The following PPARD variants were observed in gnomAD, a reference collection of about 807,000 sequenced individuals.
PPARD encodes peroxisome proliferator activated receptor delta.
A neutral mutation model predicts 39.5 loss-of-function variants in PPARD; 6 were observed. The observed-to-expected ratio is 0.15, with a 90% CI of 0.08 to 0.30. PPARD has a LOEUF of 0.30. Ranked by LOEUF, PPARD falls within the 10% of genes least tolerant of loss-of-function variation. PPARD has a pLI of 1.00. For missense variants in PPARD, 397 were observed against 596.8 expected, an observed-to-expected ratio of 0.67 and a Z score of 3.49; for synonymous variants, 210 against 231.3, an observed-to-expected ratio of 0.91 and a Z score of 0.83.
chr6:35,400,462 TAGCC>T (rs1464463112), intron 2 of PPARD, among the ~76,000 whole-genome samples: 2 of 152,208 alleles, frequency 1.3e-5, no homozygotes, highest in African/African-American at 4.8e-5. Flanking sequence ...CCAACTGAGC[TAGCC>T]AGGTGCCCTT....
chr6:35,378,806 A>G (rs1439538234), intron 2 of PPARD, among the ~76,000 whole-genome samples: 1 of 152,178 alleles, frequency 6.6e-6, no homozygotes, highest in Non-Finnish European at 1.5e-5. Flanking sequence ...CGACTTAACA[A>G]CTAAAAAGGG....
At chr6:35,411,299 A>G in intron 3 of PPARD, 82 bp downstream of exon 3, 1 of 1,343,784 alleles carries the variant, frequency 7.4e-7, no homozygotes, top group Non-Finnish European at 9.7e-7. Flanking sequence ...TGCAAACGCC[A>G]TCATGTGGGG....
chr6:35,415,184 G>T (rs923180038), intron 3 of PPARD, among the ~76,000 whole-genome samples: 27 of 152,318 alleles, frequency 1.8e-4, no homozygotes, highest in African/African-American at 6.5e-4. Flanking sequence ...GCCCAGGGCT[G>T]GCCATACAGT....
At chr6:35,362,828 C>T (rs956962371) in intron 2 of PPARD, among the ~76,000 whole-genome samples, 1 of 152,192 alleles carries the variant, frequency 6.6e-6, no homozygotes, top group Non-Finnish European at 1.5e-5. Flanking sequence ...GGCACCTGCT[C>T]CTCCACCCTG....
intron 2 of PPARD, among the ~76,000 whole-genome samples, chr6:35,362,163 G>A (rs997376601): frequency 1.3e-4 from 19 of 151,816 alleles, no homozygotes; most frequent in Admixed American, 1.1e-3. Context: ...TCTGTCTTTC[G>A]AAATGGGATG....
chr6:35,413,836 A>G (rs559641418), intron 3 of PPARD, among the ~76,000 whole-genome samples: 1 of 152,052 alleles, frequency 6.6e-6, no homozygotes, highest in South Asian at 2.1e-4. Flanking sequence ...GGCGTGCACC[A>G]CCGTGCCTGG....
At position 35,388,156 on chromosome 6, in the gene PPARD, G is replaced by T. The variant is rs752632812; in HGVS notation, c.-101-22831G>T. Among the ~76,000 whole-genome samples the T allele has an allele frequency of 1.1e-4, 16 of 151,998 alleles. 2 individuals are homozygous for T. The South Asian group carries it at 1.2e-3, about 12-fold the overall frequency. On this transcript the variant is annotated intron_variant, in intron 2 of 7. Coordinates refer to ENST00000360694, the MANE Select transcript of PPARD (RefSeq NM_006238.5). ...GCCCTGTGAGGAAGACAGACCAGAA[G>T]AAATTTTTTGCAGCTTAGGATACTC...
At chr6:35,414,257 T>C (rs1159111879) in intron 3 of PPARD, among the ~76,000 whole-genome samples, 1 of 152,132 alleles carries the variant, frequency 6.6e-6, no homozygotes, top group Non-Finnish European at 1.5e-5. Context: ...TTAAAATCCT[T>C]ATGTTTCATA....
At chr6:35,374,023 T>G (rs767358499) in intron 2 of PPARD, among the ~76,000 whole-genome samples, 13 of 152,156 alleles carry the variant, frequency 8.5e-5, no homozygotes, top group Admixed American at 6.6e-4. Flanking sequence ...ATTACTTGAA[T>G]TGAACCTTGG....
intron 2 of PPARD, among the ~76,000 whole-genome samples, chr6:35,391,258 A>G (rs1384211587): frequency 6.6e-6 from 1 of 152,210 alleles, no homozygotes; most frequent in Non-Finnish European, 1.5e-5. Flanking sequence ...TTTAAAAGTT[A>G]CTCTTAAAGG....
intron 2 of PPARD, among the ~76,000 whole-genome samples, chr6:35,383,500 G>A (rs2150598490): frequency 6.7e-6 from 1 of 149,970 alleles, no homozygotes; most frequent in African/African-American, 2.5e-5. Context: ...CATCGTCTGG[G>A]ATGTGGGGAG....
chr6:35,365,278 CT>C (rs1762150722), intron 2 of PPARD, among the ~76,000 whole-genome samples: 1 of 147,208 alleles, frequency 6.8e-6, no homozygotes, highest in Non-Finnish European at 1.5e-5. Context: ...AATACAGGTG[CT>C]TGCCACCACA....
rs1762038320 is a variant in PPARD, at chr6:35,363,621, G to A, written c.-102+16471G>A. ...AGGAAAGGGTGGATCCAGTGAGGCG[G>A]GGGCCAGGCCTTGCCCAAGAGTCAG... On this transcript the variant is annotated intron_variant, in intron 2 of 7. Coordinates refer to ENST00000360694, the MANE Select transcript of PPARD (RefSeq NM_006238.5). The surrounding 1 kb of genome is among the most constrained non-coding windows in gnomAD (Gnocchi z 4.5). 6.6e-6 allele frequency among the ~76,000 whole-genome samples: 1 copy of A among 152,048 alleles called. No homozygotes were observed. Among genetic ancestry groups the A allele is most frequent in the Non-Finnish European group, 1.5e-5 (1 of 68,006 alleles).
At chr6:35,397,117 T>G (rs1764378083) in intron 2 of PPARD, among the ~76,000 whole-genome samples, 2 of 152,006 alleles carry the variant, frequency 1.3e-5, no homozygotes, top group Admixed American at 6.6e-5. Flanking sequence ...TACTGACTGG[T>G]CTTATCTTTC....
intron 5 of PPARD, 58 bp from the exon 6 acceptor site, chr6:35,423,888 T>C: frequency 1.3e-6 from 2 of 1,553,450 alleles, no homozygotes; most frequent in African/African-American, 1.4e-5. Flanking sequence ...GGGATGGGGA[T>C]GTCAGAGGTG....
At chr6:35,373,459 G>A (rs768509130) in intron 2 of PPARD, among the ~76,000 whole-genome samples, 34 of 152,242 alleles carry the variant, frequency 2.2e-4, no homozygotes, top group African/African-American at 7.5e-4. Context: ...ATGTACCCCT[G>A]TAATTATGTA....
At chr6:35,376,843 A>C (rs1762840681) in intron 2 of PPARD, among the ~76,000 whole-genome samples, 1 of 151,244 alleles carries the variant, frequency 6.6e-6, no homozygotes, top group Admixed American at 6.6e-5. Flanking sequence ...ACGCGGTGAA[A>C]CCCCGTCTCT....
intron 2 of PPARD, among the ~76,000 whole-genome samples, chr6:35,352,405 C>T (rs981551865): frequency 3.0e-4 from 45 of 152,078 alleles, no homozygotes; most frequent in Middle Eastern, 6.8e-3. Context: ...AGGCCGGTCT[C>T]GAACTCCTGA....
At chr6:35,349,089 G>T in intron 2 of PPARD, 1 of 898,276 alleles carries the variant, frequency 1.1e-6, no homozygotes. Flanking sequence ...GCAGTGGCGC[G>T]ATCTAGGCTC....
Sources: gnomAD v4.1 joint callset for allele counts (sites outside exome capture counted in the v4.1 genomes callset) on GRCh38, gnomAD v4.1.1 for gene constraint, Gnocchi (gnomAD v3.1) non-coding constraint, MANE v1.5 for transcripts, NCBI Gene and HGNC (gene_info 2026-07-23, HGNC 2026-07-21) for gene names.